CLN6: variants seen among roughly 807,000 people sequenced by gnomAD.
CLN6 encodes the protein CLN6 transmembrane ER protein.
Under a neutral mutation model 33.3 loss-of-function variants are expected in CLN6, and 22 were observed. The ratio of observed to expected loss-of-function variants is 0.66; its 90% CI spans 0.47 to 0.94. The LOEUF is 0.94. CLN6 is among the 40% of genes least tolerant of loss of function. The pLI is 0.00. For missense variants in CLN6, 387 were observed against 417.1 expected, an observed-to-expected ratio of 0.93 and a Z score of 0.63; for synonymous variants, 201 against 174.6, an observed-to-expected ratio of 1.15 and a Z score of -1.19.
rs1393095146 is a variant in CLN6, at chr15:68,211,153, C to A, written c.542+110G>T. The stretch of plus-strand genomic sequence containing the variant: ...TGCCTTTACAGGGGATGAGACTCAA[C>A]ACATGGAGACCCGCAGCCCAGACAG... On this transcript the variant is annotated intron_variant, in intron 5 of 6. Transcript: ENST00000249806. This position sits in a 1 kb window ranked among gnomAD's most constrained non-coding sequence, Gnocchi z 5.9. The A allele has an allele frequency of 1.1e-6, 1 of 932,166 alleles. No homozygotes were observed. The highest frequency in any genetic ancestry group is 2.4e-5 in the East Asian group (1 of 41,856). 57.7% of individuals were successfully genotyped at this position (932,166 alleles called of 1,614,324 possible). A position where few individuals can be genotyped will look rare whatever the true frequency, so the allele number is the denominator to read the frequency against.
intron 1 of CLN6, among the ~76,000 whole-genome samples, chr15:68,253,746 T>C (rs1273620044): frequency 6.6e-6 from 1 of 152,236 alleles, no homozygotes; most frequent in Non-Finnish European, 1.5e-5. Context: ...GATACTTCTT[T>C]TTTAGCCGCC....
rs1567101655 is a variant in CLN6 at position 68,229,685 on chromosome 15, T to TTCGGGGCGGGCCGGC, written c.-116_-102dup. 1 of 986,734 alleles carries TTCGGGGCGGGCCGGC rather than the reference T, an allele frequency of 1.0e-6. No individual in the cohort carries two copies. The highest frequency in any genetic ancestry group is 3.8e-5 in the East Asian group (1 of 26,498). The allele number at this position is 986,734 out of a possible 1,614,324, so 61.1% of individuals were successfully genotyped here. A position where few individuals can be genotyped will look rare whatever the true frequency, so the allele number is the denominator to read the frequency against. On this transcript the variant is annotated 5_prime_UTR_variant, in exon 1 of 7. Transcript: ENST00000249806. ...GCCGCAAATTCCCAGCGCGGGGCGG[T>TTCGGGGCGGGCCGGC]TCGGGGCGGGCCGGCGAGAGCGCGC...
intron 1 of CLN6, among the ~76,000 whole-genome samples, chr15:68,239,847 A>G (rs1225505280): frequency 2.0e-5 from 3 of 152,238 alleles, no homozygotes; most frequent in African/African-American, 7.2e-5. Context: ...AAAAGGCCAT[A>G]AAACCAGCCT....
intron 1 of CLN6, among the ~76,000 whole-genome samples, chr15:68,221,604 C>G (rs888974010): frequency 5.3e-5 from 8 of 152,316 alleles, no homozygotes; most frequent in Admixed American, 6.5e-5. Context: ...CAGCCGCCTG[C>G]CTTGGCCTCC....
At position 68,211,012 on chromosome 15, in the gene CLN6, G is replaced by A. The variant is rs2141138445; in HGVS notation, c.542+251C>T. On this transcript the variant is annotated intron_variant, in intron 5 of 6. Coordinates refer to ENST00000249806, the MANE Select transcript of CLN6 (RefSeq NM_017882.3). This position sits in a 1 kb window ranked among gnomAD's most constrained non-coding sequence, Gnocchi z 5.9. ...GGCCACAGCGGGCACTGAGGGCTGG[G>A]CGGGGGTGGCGATGCTGGGGGGATG... is the stretch of plus-strand genomic sequence containing the variant. 6.6e-6 allele frequency among the ~76,000 whole-genome samples: 1 copy of A among 152,346 alleles called. No individual in the cohort carries two copies. The highest frequency in any genetic ancestry group is 1.9e-4 in the East Asian group (1 of 5,172).
chr15:68,222,520 G>T (rs533139201), intron 1 of CLN6, among the ~76,000 whole-genome samples: 1 of 145,454 alleles, frequency 6.9e-6, no homozygotes, highest in Non-Finnish European at 1.5e-5. Flanking sequence ...CTGCCTGGCC[G>T]CCCCGTCTGG....
rs1299354331 is a variant in CLN6 at position 68,229,508 on chromosome 15, T to G, written c.77A>C (p.Gln26Pro). The G allele has an allele frequency of 6.8e-7, 1 of 1,466,044 alleles. No homozygotes were observed. The allele number at this position is 1,466,044 out of a possible 1,614,324, so 90.8% of individuals were successfully genotyped here. ...PGAQLGASFLQARHGSVSADE... is the reference protein window; with the variant it reads ...PGAQLGASFLPARHGSVSADE... ...CACCCCGGCGCGCGCCCACCTGGCC[T>G]GCAGGAAGGAGGCGCCCAGCTGCGC... The change falls in exon 1 of 7, where the codon CAG (glutamine) becomes CCG (proline). Residue 26 changes from glutamine to proline, a missense_variant. Gln to Pro is a moderately conservative substitution (Grantham distance 76, BLOSUM62 -1). Coordinates refer to ENST00000249806, the MANE Select transcript of CLN6 (RefSeq NM_017882.3).
Position 68,207,880 on chromosome 15 carries a change from T to G in CLN6, c.*260A>C, listed in dbSNP as rs1392620788. 5 of 537,176 alleles carry G rather than the reference T, an allele frequency of 9.3e-6. No individual in the cohort carries two copies. In the South Asian group the frequency reaches 1.0e-4, roughly 11 times the overall value. The allele number at this position is 537,176 out of a possible 1,614,324, so 33.3% of individuals were successfully genotyped here. On this transcript the variant is annotated 3_prime_UTR_variant, in exon 7 of 7. Transcript: ENST00000249806. Reference sequence around the variant, plus strand: ...GGCCCGGATCCTGGCCCAGAAACACTCTAAAACAGAATCCGATCCTGAGAT... The same window carrying G: ...GGCCCGGATCCTGGCCCAGAAACACGCTAAAACAGAATCCGATCCTGAGAT...
At chr15:68,252,663 T>C (rs1439358554) in intron 1 of CLN6, among the ~76,000 whole-genome samples, 1 of 152,204 alleles carries the variant, frequency 6.6e-6, no homozygotes, top group Non-Finnish European at 1.5e-5. Context: ...AATTGGGGTC[T>C]ACCAAATGTC....
upstream of CLN6, chr15:68,229,767 A>G (rs202159071): frequency 1.5e-4 from 48 of 318,914 alleles, no homozygotes; most frequent in Middle Eastern, 8.7e-4. Flanking sequence ...AGCGGAGCGG[A>G]GCGGAGCGGA....
rs1401484957 is a variant in CLN6 at position 68,254,802 on chromosome 15, G to C, written c.179+1888C>G. On this transcript the variant is annotated intron_variant, in intron 1 of 6. Coordinates refer to the CLN6 transcript ENST00000538696. ...GGAGAGAAGGTACCAAAAGGGAAAA[G>C]GGAAAAGCTGAAGCTGGCAAGGAGG... is the stretch of plus-strand genomic sequence containing the variant. 4 of 1,046,618 alleles carry C rather than the reference G, an allele frequency of 3.8e-6. No homozygotes were observed. In the African/African-American group the frequency reaches 4.7e-5, roughly 12 times the overall value. The allele number at this position is 1,046,618 out of a possible 1,614,324, so 64.8% of individuals were successfully genotyped here. A position where few individuals can be genotyped will look rare whatever the true frequency, so the allele number is the denominator to read the frequency against.
Position 68,228,954 on chromosome 15 carries a change from G to A in CLN6, c.83+548C>T, listed in dbSNP as rs537556751. 6.6e-6 allele frequency among the ~76,000 whole-genome samples: 1 copy of A among 152,222 alleles called. No homozygotes were observed. The highest frequency in any genetic ancestry group is 6.5e-5 in the Admixed American group (1 of 15,292). On this transcript the variant is annotated intron_variant, in intron 1 of 6. Transcript: ENST00000249806. The surrounding 1 kb of genome is among the most constrained non-coding windows in gnomAD (Gnocchi z 4.4). ...AGAAGGGCTCCTCATTCATTCTCTG[G>A]ACGGCAGCTTCCGCCCTTCCCCGCT...
At chr15:68,230,196 A>G (rs2093265991), upstream of CLN6, among the ~76,000 whole-genome samples, 1 of 151,956 alleles carries the variant, frequency 6.6e-6, no homozygotes, top group Non-Finnish European at 1.5e-5. This position sits in a 1 kb window ranked among gnomAD's most constrained non-coding sequence, Gnocchi z 4.0. Context: ...TGACATCTAG[A>G]GTCGTGTGAG....
Position 68,228,013 on chromosome 15 carries a change from G to A in CLN6, c.83+1489C>T, listed in dbSNP as rs1320513384. Reference sequence around the variant, plus strand: ...GGTCACAGCAGAGATGAAACCACTGGACACGGCGTGGGGCAGACAGCCCGG... The same window carrying A: ...GGTCACAGCAGAGATGAAACCACTGAACACGGCGTGGGGCAGACAGCCCGG... On this transcript the variant is annotated intron_variant, in intron 1 of 6. Coordinates refer to ENST00000249806, the MANE Select transcript of CLN6 (RefSeq NM_017882.3). The surrounding 1 kb of genome is among the most constrained non-coding windows in gnomAD (Gnocchi z 4.4). 6.6e-6 allele frequency among the ~76,000 whole-genome samples: 1 copy of A among 152,196 alleles called. No homozygotes were observed. Among genetic ancestry groups the A allele is most frequent in the African/African-American group, 2.4e-5 (1 of 41,460 alleles).
At chr15:68,249,962 G>A (rs575818726) in intron 1 of CLN6, among the ~76,000 whole-genome samples, 9 of 151,954 alleles carry the variant, frequency 5.9e-5, no homozygotes, top group Non-Finnish European at 8.8e-5. Context: ...TAGTAGAGAC[G>A]GGGTTTCACC....
upstream of CLN6, among the ~76,000 whole-genome samples, chr15:68,232,962 G>C (rs991981603): frequency 1.3e-5 from 2 of 152,152 alleles, no homozygotes; most frequent in Admixed American, 6.5e-5. This position sits in a 1 kb window ranked among gnomAD's most constrained non-coding sequence, Gnocchi z 4.7. Context: ...GAAATTGCAT[G>C]AACCCAGGAG....
At position 68,220,539 on chromosome 15, in the gene CLN6, G is replaced by C. The variant is rs1034045981; in HGVS notation, c.84-1889C>G. ...CTTCCTTTATAGTGCTGGGTTCTAA[G>C]GGTGCAAGCCCAGGACTGCCTACAG... On this transcript the variant is annotated intron_variant, in intron 1 of 6. Coordinates refer to ENST00000249806, the MANE Select transcript of CLN6 (RefSeq NM_017882.3). This position sits in a 1 kb window ranked among gnomAD's most constrained non-coding sequence, Gnocchi z 4.2. 1.3e-5 allele frequency among the ~76,000 whole-genome samples: 2 copies of C among 152,228 alleles called. No homozygotes were observed. Among genetic ancestry groups the C allele is most frequent in the Non-Finnish European group, 2.9e-5 (2 of 68,036 alleles).
intron 1 of CLN6, among the ~76,000 whole-genome samples, chr15:68,221,024 TTA>T (rs869151428): frequency 0.011 from 1,626 of 151,426 alleles, 5 homozygotes; most frequent in Non-Finnish European, 0.013. Context: ...ATTATTATTA[TTA>T]TTTTTTGTAG....
At chr15:68,221,441 A>G (rs71400390) in intron 1 of CLN6, among the ~76,000 whole-genome samples, 73,149 of 151,682 alleles carry the variant, frequency 0.48, 18,405 homozygotes, top group Non-Finnish European at 0.56. Flanking sequence ...CGTGTTGACC[A>G]GGCTGGTCTC....
Sources: allele counts gnomAD v4.1 joint callset (sites outside exome capture counted in the v4.1 genomes callset), GRCh38; gene constraint gnomAD v4.1.1; non-coding constraint Gnocchi (gnomAD v3.1); transcripts MANE v1.5; gene names NCBI Gene and HGNC (gene_info 2026-07-23, HGNC 2026-07-21).